Variants in PTPRB observed in about 807,000 individuals in gnomAD.
The protein encoded by PTPRB is receptor-type tyrosine-protein phosphatase beta.
A neutral mutation model predicts 238.1 loss-of-function variants in PTPRB; 97 were observed. The observed-to-expected ratio is 0.41, with a 90% CI of 0.35 to 0.48. The LOEUF (loss-of-function observed/expected upper bound fraction) is 0.48, where lower values mean the gene tolerates loss of function less well. Ranked by LOEUF, PTPRB falls within the 20% of genes least tolerant of loss-of-function variation. PTPRB has a pLI of 0.30. For synonymous variants in PTPRB, 970 were observed against 995.4 expected (o/e 0.97, Z 0.48); for missense variants, 2,292 against 2,681.9 (o/e 0.85, Z 3.21).
At chr12:70,592,189 A>G (rs1286287938) in intron 7 of PTPRB, 93 bp downstream of exon 7, 2 of 1,545,852 alleles carry the variant, frequency 1.3e-6, no homozygotes, top group African/African-American at 2.7e-5. Context: ...AGATTGGGAA[A>G]GGAGTTTTCC....
At chr12:70,571,457 A>C in intron 12 of PTPRB, 168 bp from the exon 13 acceptor site, 1 of 704,026 alleles carries the variant, frequency 1.4e-6, no homozygotes, top group East Asian at 2.7e-5. Context: ...GCAACTATTA[A>C]CATTGTGGTT....
rs377219780 is a variant in PTPRB, at chr12:70,528,376, A to G, written c.6504+3659T>C. ...CGATTTTTTTGCAGGGAGCTGGCAG[A>G]GTCAGCAAGGGAACTTTGATGGTGG... On this transcript the variant is annotated intron_variant, in intron 32 of 33. Transcript: ENST00000334414. 1.7e-3 allele frequency among the ~76,000 whole-genome samples: 261 copies of G among 151,740 alleles called. 2 individuals are homozygous for G. Among genetic ancestry groups the G allele is most frequent in the African/African-American group, 6.2e-3 (254 of 41,138 alleles).
Position 70,587,151 on chromosome 12 carries a change from C to T in PTPRB, c.2167G>A (p.Asp723Asn), listed in dbSNP as rs1881998889. The stretch of plus-strand genomic sequence containing the variant: ...AGTGACTTGTGGATCAGTAAGAGGT[C>T]TCTGTCAGCTAGGGAAATGATGTAT... ...EKYIISLADRDLLLIHKSLSK... is the reference protein window; with the variant it reads ...EKYIISLADRNLLLIHKSLSK... The change falls in exon 9 of 34, where the codon GAC becomes AAC. Residue 723 changes from aspartate (D) to asparagine (N), a missense_variant. Asp to Asn is a conservative substitution (Grantham distance 23). This residue lies in a region of PTPRB where 1,205 missense variants were observed against 1,287.8 expected (regional missense o/e 0.94). Coordinates refer to ENST00000334414, the MANE Select transcript of PTPRB (RefSeq NM_001109754.4). 1 of 1,613,858 alleles carries T rather than the reference C, an allele frequency of 6.2e-7. No individual in the cohort carries two copies.
At chr12:70,605,221 C>T (rs1376214426) in intron 4 of PTPRB, among the ~76,000 whole-genome samples, 1 of 152,146 alleles carries the variant, frequency 6.6e-6, no homozygotes, top group Non-Finnish European at 1.5e-5. Flanking sequence ...CACTACAACT[C>T]TTCCCTGGGC....
chr12:70,583,619 C>G (rs1044282834), intron 9 of PTPRB, among the ~76,000 whole-genome samples: 1 of 152,222 alleles, frequency 6.6e-6, no homozygotes, highest in South Asian at 2.1e-4. Flanking sequence ...ACAACTTCAG[C>G]CTTCTTAATA....
Position 70,538,188 on chromosome 12 carries a change from A to G in PTPRB, c.5913T>C (p.Pro1971=). ...RVKLSNVDDD[P]CSDYINASYI... is the part of the protein sequence containing the mutation. ...AGCTGGCATTGATGTAGTCAGAGCA[A>G]GGATCATCATCTACATTGGAGAGCT... The change falls in exon 28 of 34, where the codon CCT becomes CCC. Residue 1971 remains proline (P), a synonymous_variant. Coordinates refer to ENST00000334414, the MANE Select transcript of PTPRB (RefSeq NM_001109754.4). The G allele has an allele frequency of 1.2e-6, 2 of 1,613,844 alleles. No homozygotes were observed. The highest frequency in any genetic ancestry group is 1.1e-5 in the South Asian group (1 of 91,064).
At chr12:70,594,098 G>T (rs1882764034) in intron 6 of PTPRB, among the ~76,000 whole-genome samples, 1 of 152,162 alleles carries the variant, frequency 6.6e-6, no homozygotes, top group East Asian at 1.9e-4. Context: ...CAGGAGTAGG[G>T]TATGTATAGC....
Position 70,534,973 on chromosome 12 carries a change from G to T in PTPRB, c.6082-18C>A. The stretch of plus-strand genomic sequence containing the variant: ...CACTTTACCTAGAACAGGACAGACA[G>T]AAAAAACATGAGTCCGGAAAAGTGA... On this transcript the variant is annotated intron_variant, in intron 29 of 33. Transcript: ENST00000334414. 6.3e-7 allele frequency: 1 copy of T among 1,598,248 alleles called. No individual in the cohort carries two copies. The highest frequency in any genetic ancestry group is 8.5e-7 in the Non-Finnish European group (1 of 1,171,502).
At position 70,594,620 on chromosome 12, in the gene PTPRB, T is replaced by C. The variant is rs534776155; in HGVS notation, c.1363A>G (p.Met455Val). 6 of 1,614,000 alleles carry C rather than the reference T, an allele frequency of 3.7e-6. No homozygotes were observed. Among genetic ancestry groups the C allele is most frequent in the Middle Eastern group, 1.6e-4 (1 of 6,062 alleles). ...CCATGAACTAGGATCCCTTTATCCA[T>C]TAGCATCAGCCGGTATCGTTCCACA... The part of the protein sequence containing the change: ...GNVERYRLML[M>V]DKGILVHGGV... The change falls in exon 6 of 34, where the codon ATG (methionine) becomes GTG (valine). Residue 455 changes from methionine to valine, a missense_variant. Met to Val is a conservative substitution (Grantham distance 21, BLOSUM62 1). Around this residue, in one of 4 missense-constraint regions of PTPRB, gnomAD observed 1,205 missense variants for 1,287.8 expected, o/e 0.94. Coordinates refer to ENST00000334414, the MANE Select transcript of PTPRB (RefSeq NM_001109754.4).
chr12:70,629,990 A>C lies in PTPRB; in HGVS notation c.451+5681T>G, dbSNP rs1401096340. 2.0e-5 allele frequency among the ~76,000 whole-genome samples: 3 copies of C among 152,218 alleles called. No individual in the cohort carries two copies. In the East Asian group the frequency reaches 5.8e-4, roughly 29 times the overall value. ...CCAAAAAAAGTCCAGGACCAGATGG[A>C]TTCACAGCCGAATTCTACCAGAGGT... is the stretch of plus-strand genomic sequence containing the variant. On this transcript the variant is annotated intron_variant, in intron 2 of 33. Coordinates refer to ENST00000334414, the MANE Select transcript of PTPRB (RefSeq NM_001109754.4).
rs778895437 is a variant in PTPRB at position 70,521,321 on chromosome 12, T to C, written c.*168A>G. 9 of 471,768 alleles carry C rather than the reference T, an allele frequency of 1.9e-5. No individual in the cohort carries two copies. The highest frequency in any genetic ancestry group is 3.3e-5 in the Non-Finnish European group (9 of 269,634). The allele number at this position is 471,768 out of a possible 1,614,324, so 29.2% of individuals were successfully genotyped here. A position where few individuals can be genotyped will look rare whatever the true frequency, so the allele number is the denominator to read the frequency against. On this transcript the variant is annotated 3_prime_UTR_variant, in exon 34 of 34. Coordinates refer to ENST00000334414, the MANE Select transcript of PTPRB (RefSeq NM_001109754.4). ...AACTACAAAATACAACTATGTACAA[T>C]AATATCTGTTACCTTTAAATTATAT... is the stretch of plus-strand genomic sequence containing the variant.
intron 4 of PTPRB, 70 bp downstream of exon 4, chr12:70,608,999 A>G: frequency 6.6e-7 from 1 of 1,523,842 alleles, no homozygotes; most frequent in Non-Finnish European, 8.9e-7. Context: ...CTCAAATGAA[A>G]CACCAGCTTG....
chr12:70,608,943 T>C (rs2136540063), intron 4 of PTPRB, 126 bp downstream of exon 4: 5 of 1,308,154 alleles, frequency 3.8e-6, no homozygotes, highest in Non-Finnish European at 5.3e-6. Flanking sequence ...TCTGTCAATA[T>C]TTATCTTCAC....
chr12:70,633,530 C>A (rs1885547998), intron 2 of PTPRB, among the ~76,000 whole-genome samples: 1 of 151,728 alleles, frequency 6.6e-6, no homozygotes. Flanking sequence ...TATCTGTTAG[C>A]TTATAATTGT....
chr12:70,572,452 G>A (rs557154822), intron 11 of PTPRB, among the ~76,000 whole-genome samples: 2 of 152,014 alleles, frequency 1.3e-5, no homozygotes, highest in South Asian at 2.1e-4. Flanking sequence ...AAGAATATAA[G>A]CAATCCCCCA....
chr12:70,568,263 G>C (rs1406711454), intron 14 of PTPRB, among the ~76,000 whole-genome samples: 4 of 152,110 alleles, frequency 2.6e-5, no homozygotes, highest in Non-Finnish European at 5.9e-5. Flanking sequence ...AGATTATAAG[G>C]TTCTTGAGGT....
chr12:70,617,491 CT>C (rs1884730368), intron 3 of PTPRB, among the ~76,000 whole-genome samples: 1 of 152,170 alleles, frequency 6.6e-6, no homozygotes, highest in African/African-American at 2.4e-5. Context: ...TCCTTTCCCC[CT>C]CTCCCCCGCT....
At chr12:70,534,805 G>C in intron 30 of PTPRB, 28 bp downstream of exon 30, 1 of 1,611,144 alleles carries the variant, frequency 6.2e-7, no homozygotes, top group Non-Finnish European at 8.5e-7. Flanking sequence ...CCCCAAGCTC[G>C]GTTGTTAAGT....
chr12:70,595,992 A>G, intron 5 of PTPRB, 57 bp downstream of exon 5: 1 of 1,378,604 alleles, frequency 7.3e-7, no homozygotes, highest in Non-Finnish European at 9.6e-7. Context: ...CCTTGAATAA[A>G]GTATAACTTG....
Sources: allele counts gnomAD v4.1 joint callset (sites outside exome capture counted in the v4.1 genomes callset), GRCh38; gene constraint gnomAD v4.1.1; regional missense constraint gnomAD v4.1.1; transcripts MANE v1.5; gene names NCBI Gene and HGNC (gene_info 2026-07-23, HGNC 2026-07-21).